PAN3: variants seen among roughly 807,000 people sequenced by gnomAD.
PAN3 encodes the protein poly(A) specific ribonuclease subunit PAN3.
In PAN3, 19 loss-of-function variants were observed where a neutral mutation model predicts 96.2. That is an observed-to-expected ratio of 0.20 (90% CI 0.14 to 0.29). PAN3 has a LOEUF of 0.29. Among genes scored for constraint, PAN3 ranks in the 10% least tolerant of loss-of-function variants. The pLI is 1.00. For missense variants in PAN3, 882 were observed against 1,108.1 expected (o/e 0.80, Z 2.90); for synonymous variants, 433 against 406.6 (o/e 1.06, Z -0.78).
rs956608946 is a variant in PAN3 at position 28,288,041 on chromosome 13, T to C, written c.2442T>C (p.Phe814=). ...ETGDRYLLKL[F]RDHLFHQVTE... is the part of the protein sequence containing the mutation. The stretch of plus-strand genomic sequence containing the variant: ...GAGACCGTTATCTGTTGAAACTCTT[T>C]AGGGATCATCTTTTTCATCAGGTGA... Residue 814 remains phenylalanine, a synonymous_variant, in exon 18 of 19, where the codon TTT becomes TTC. Coordinates refer to ENST00000380958, the MANE Select transcript of PAN3 (RefSeq NM_175854.8). 1.2e-6 allele frequency: 2 copies of C among 1,613,712 alleles called. No homozygotes were observed. Among genetic ancestry groups the C allele is most frequent in the East Asian group, 2.2e-5 (1 of 44,866 alleles).
intron 9 of PAN3, 101 bp from the exon 10 acceptor site, chr13:28,266,614 G>A (rs1886201229): frequency 1.1e-6 from 1 of 885,522 alleles, no homozygotes; most frequent in South Asian, 2.9e-5. Context: ...AGCACATTGT[G>A]ATACACAAGG....
At chr13:28,260,016 T>C (rs558679643) in intron 7 of PAN3, among the ~76,000 whole-genome samples, 1 of 152,344 alleles carries the variant, frequency 6.6e-6, no homozygotes, top group African/African-American at 2.4e-5. Flanking sequence ...TTCAATATTA[T>C]TTAAAGATTT....
intron 9 of PAN3, among the ~76,000 whole-genome samples, chr13:28,263,239 A>AAC (rs1301818725): frequency 6.6e-6 from 1 of 152,226 alleles, no homozygotes; most frequent in Non-Finnish European, 1.5e-5. Context: ...TGATTAACGG[A>AAC]ACAGATTAGA....
intron 9 of PAN3, among the ~76,000 whole-genome samples, chr13:28,262,999 T>C (rs997720795): frequency 2.6e-5 from 4 of 152,208 alleles, no homozygotes; most frequent in Non-Finnish European, 1.5e-5. Flanking sequence ...TGAACTGACA[T>C]GTAGATCCAG....
rs1314643359 is a variant in PAN3 at position 28,272,049 on chromosome 13, T to G, written c.2027T>G (p.Leu676Trp). The change falls in exon 14 of 19, where the codon TTG (leucine) becomes TGG (tryptophan). Residue 676 changes from leucine (L) to tryptophan (W), a missense_variant. Physicochemically the swap from Leu to Trp is moderately conservative, Grantham distance 61 (BLOSUM62 -2). Around this residue, in one of 3 missense-constraint regions of PAN3, gnomAD observed 364 missense variants for 513.6 expected, o/e 0.71. Transcript: ENST00000380958. ...GATAACAGTCAAAATAATAATCCAT[T>G]GGCATTAATGGCCCAGTACCAGGTG... Reference protein sequence around the residue: ...TFDNSQNNNPLALMAQYQQAD... With the variant: ...TFDNSQNNNPWALMAQYQQAD... 1 of 1,582,436 alleles carries G rather than the reference T, an allele frequency of 6.3e-7. No homozygotes were observed. The highest frequency in any genetic ancestry group is 8.7e-7 in the Non-Finnish European group (1 of 1,155,112).
chr13:28,198,631 A>T (rs1304799197), intron 5 of PAN3, among the ~76,000 whole-genome samples: 1 of 152,194 alleles, frequency 6.6e-6, no homozygotes. Context: ...TTCCATTTTT[A>T]AAAAATTGAT....
chr13:28,254,782 A>G (rs1383030494), intron 6 of PAN3, among the ~76,000 whole-genome samples: 2 of 152,060 alleles, frequency 1.3e-5, no homozygotes, highest in East Asian at 3.8e-4. Flanking sequence ...TTCCTATCCT[A>G]TTTTAATCTC....
intron 1 of PAN3, among the ~76,000 whole-genome samples, chr13:28,146,938 G>A (rs188593840): frequency 7.6e-4 from 116 of 151,880 alleles, no homozygotes; most frequent in Non-Finnish European, 1.0e-3. Flanking sequence ...ACCTGAGATC[G>A]TGCCACTGCA....
intron 6 of PAN3, among the ~76,000 whole-genome samples, chr13:28,224,498 A>G (rs1054991175): frequency 6.6e-6 from 1 of 152,186 alleles, no homozygotes; most frequent in Non-Finnish European, 1.5e-5. Flanking sequence ...ATATTTGCAA[A>G]TGTCATCATT....
At chr13:28,258,425 G>C (rs576049759) in intron 7 of PAN3, among the ~76,000 whole-genome samples, 1 of 152,342 alleles carries the variant, frequency 6.6e-6, no homozygotes, top group African/African-American at 2.4e-5. Context: ...ACAAAGGGTG[G>C]TGGGATGAGT....
intron 6 of PAN3, among the ~76,000 whole-genome samples, chr13:28,247,208 T>A (rs1884277441): frequency 6.6e-6 from 1 of 152,216 alleles, no homozygotes; most frequent in Non-Finnish European, 1.5e-5. Flanking sequence ...GTCATTTGTA[T>A]GTCTTCTTTT....
rs570338592 is a variant in PAN3, at chr13:28,261,494, G to T, written c.1411+36G>T. 28 of 1,567,824 alleles carry T rather than the reference G, an allele frequency of 1.8e-5. No individual in the cohort carries two copies. The African/African-American group carries it at 2.2e-4, about 12-fold the overall frequency. On this transcript the variant is annotated intron_variant, in intron 9 of 18. Transcript: ENST00000380958. Reference sequence around the variant, plus strand: ...AGTTGATCCTTCCTTTCTTTTAAAGGCTGTTATAATTCTTACGTGGTAGTA... The same window carrying T: ...AGTTGATCCTTCCTTTCTTTTAAAGTCTGTTATAATTCTTACGTGGTAGTA...
chr13:28,191,013 A>G (rs1416512474), intron 4 of PAN3, among the ~76,000 whole-genome samples: 2 of 152,198 alleles, frequency 1.3e-5, no homozygotes, highest in African/African-American at 2.4e-5. Flanking sequence ...GCTATCAAGA[A>G]TAGAGGATCA....
chr13:28,281,562 A>G (rs1379490186), intron 17 of PAN3, among the ~76,000 whole-genome samples, 183 bp downstream of exon 17: 1 of 152,106 alleles, frequency 6.6e-6, no homozygotes, highest in Non-Finnish European at 1.5e-5. Flanking sequence ...GTCCTTACGA[A>G]TTTTACACAC....
chr13:28,290,514 T>C (rs1451717184), intron 18 of PAN3, among the ~76,000 whole-genome samples: 2 of 152,056 alleles, frequency 1.3e-5, no homozygotes, highest in South Asian at 4.1e-4. Flanking sequence ...AAACCCCATC[T>C]CTACTAAAAA....
At position 28,244,576 on chromosome 13, in the gene PAN3, G is replaced by A. The variant is rs1883996040; in HGVS notation, c.1001-11716G>A. ...ACTGACTTTATATATACATATTTGA[G>A]ATCGGTTTTGGTGTCCTATTCTTTT... On this transcript the variant is annotated intron_variant, in intron 6 of 18. Coordinates refer to ENST00000380958, the MANE Select transcript of PAN3 (RefSeq NM_175854.8). 2.6e-5 allele frequency among the ~76,000 whole-genome samples: 4 copies of A among 152,032 alleles called. No individual in the cohort carries two copies. The South Asian group carries it at 8.3e-4, about 32-fold the overall frequency.
chr13:28,245,098 C>T (rs1280859600), intron 6 of PAN3, among the ~76,000 whole-genome samples: 1 of 152,158 alleles, frequency 6.6e-6, no homozygotes, highest in East Asian at 1.9e-4. Flanking sequence ...CCACCCACCT[C>T]GGCCTCCCAA....
intron 5 of PAN3, among the ~76,000 whole-genome samples, chr13:28,217,007 T>G (rs1164143100): frequency 2.0e-5 from 3 of 150,798 alleles, no homozygotes; most frequent in Non-Finnish European, 4.4e-5. Flanking sequence ...CCAGCTACTC[T>G]GGAGGCTGAG....
At chr13:28,233,653 T>C (rs1252727019) in intron 6 of PAN3, among the ~76,000 whole-genome samples, 1 of 152,218 alleles carries the variant, frequency 6.6e-6, no homozygotes, top group East Asian at 1.9e-4. Context: ...TTTTTTATGT[T>C]GCAAATTAAT....
Sources: gnomAD v4.1 joint callset for allele counts (sites outside exome capture counted in the v4.1 genomes callset) on GRCh38, gnomAD v4.1.1 for gene constraint, gnomAD v4.1.1 regional missense constraint, MANE v1.5 for transcripts, NCBI Gene and HGNC (gene_info 2026-07-23, HGNC 2026-07-21) for gene names.